The following MAGI3 variants were observed in gnomAD, a reference collection of about 807,000 sequenced individuals.
The protein encoded by MAGI3 is membrane-associated guanylate kinase, WW and PDZ domain-containing protein 3.
Under a neutral mutation model 121.8 loss-of-function variants are expected in MAGI3, and 43 were observed. That is an observed-to-expected ratio of 0.35 (90% CI 0.28 to 0.46). The LOEUF (loss-of-function observed/expected upper bound fraction) is 0.46, where lower values mean the gene tolerates loss of function less well. MAGI3 is among the 20% of genes least tolerant of loss of function. The pLI is 1.00. For synonymous variants in MAGI3, 553 were observed against 639.3 expected (o/e 0.86, Z 2.04); for missense variants, 1,547 against 1,797.3 (o/e 0.86, Z 2.52).
chr1:113,416,284 TATTAATTATGTA>T (rs74916748), intron 1 of MAGI3, among the ~76,000 whole-genome samples: 607 of 27,686 alleles, frequency 0.022, 48 homozygotes, highest in African/African-American at 0.07. Context: ...TAATTACACA[TATTAATTATGTA>T]ATTAATTATG....
At chr1:113,517,581 A>C (rs560951817) in intron 1 of MAGI3, among the ~76,000 whole-genome samples, 4 of 152,040 alleles carry the variant, frequency 2.6e-5, no homozygotes, top group African/African-American at 9.6e-5. Context: ...TTAAAATTTT[A>C]GTGTCCTTGA....
intron 1 of MAGI3, among the ~76,000 whole-genome samples, chr1:113,475,565 A>T (rs370894613): frequency 6.6e-6 from 1 of 152,144 alleles, no homozygotes; most frequent in Non-Finnish European, 1.5e-5. Flanking sequence ...ACCAGCCTTG[A>T]ATCCCAGGGA....
Position 113,550,969 on chromosome 1 carries a change from AAAG to A in MAGI3, c.433+1350_433+1352del, listed in dbSNP as rs1437206390. 1.6e-3 allele frequency among the ~76,000 whole-genome samples: 177 copies of A among 110,492 alleles called. 1 individual carries two copies. The highest frequency in any genetic ancestry group is 4.3e-3 in the East Asian group (12 of 2,764). The allele number at this position is 110,492 out of a possible 152,430, so 72.5% of individuals were successfully genotyped here. On this transcript the variant is annotated intron_variant, in intron 2 of 20. Transcript: ENST00000307546. The stretch of plus-strand genomic sequence containing the variant: ...TCCCTTCCCCAACAAGAAAAAAAAA[AAAG>A]AAGAAGAAGAAAAAGGAAAGGGACT...
chr1:113,475,323 A>C lies in MAGI3; in HGVS notation c.317-74192A>C, dbSNP rs930270916. Among the ~76,000 whole-genome samples the C allele has an allele frequency of 1.2e-4, 18 of 152,338 alleles. No homozygotes were observed. In the East Asian group the frequency reaches 3.1e-3, roughly 26 times the overall value. On this transcript the variant is annotated intron_variant, in intron 1 of 20. Coordinates refer to ENST00000307546, the MANE Select transcript of MAGI3 (RefSeq NM_001142782.2). ...GCATCCCTGTCTTGTGCCAGTTTTCAAAGGGAACACTTCCAGTTTTTCCCC... is the reference window on the plus strand; with the variant it reads ...GCATCCCTGTCTTGTGCCAGTTTTCCAAGGGAACACTTCCAGTTTTTCCCC...
At chr1:113,634,992 G>A (rs1651911406) in intron 9 of MAGI3, among the ~76,000 whole-genome samples, 1 of 152,066 alleles carries the variant, frequency 6.6e-6, no homozygotes, top group Admixed American at 6.5e-5. Context: ...TCTCTTTGAA[G>A]CAATTGTGAA....
At chr1:113,443,813 T>G (rs1570683982) in intron 1 of MAGI3, among the ~76,000 whole-genome samples, 1 of 152,242 alleles carries the variant, frequency 6.6e-6, no homozygotes, top group Non-Finnish European at 1.5e-5. Context: ...ACTATATGTT[T>G]TATATATTTA....
chr1:113,598,687 C>T (rs1023010370), intron 6 of MAGI3, among the ~76,000 whole-genome samples: 2 of 152,008 alleles, frequency 1.3e-5, no homozygotes, highest in African/African-American at 4.8e-5. Flanking sequence ...GAAACAATTA[C>T]TATTAGACCT....
intron 16 of MAGI3, among the ~76,000 whole-genome samples, chr1:113,666,988 G>GT (rs1441111948): frequency 6.6e-6 from 1 of 152,198 alleles, no homozygotes; most frequent in African/African-American, 2.4e-5. Flanking sequence ...GGTCTCAACA[G>GT]TGGGATTAAA....
At chr1:113,474,534 T>G (rs937771371) in intron 1 of MAGI3, among the ~76,000 whole-genome samples, 2 of 152,182 alleles carry the variant, frequency 1.3e-5, no homozygotes, top group African/African-American at 4.8e-5. Flanking sequence ...CTATCCCCAT[T>G]TCTTGTTTTT....
intron 1 of MAGI3, among the ~76,000 whole-genome samples, chr1:113,397,726 T>G (rs577170232): frequency 1.3e-5 from 2 of 152,296 alleles, no homozygotes; most frequent in Non-Finnish European, 2.9e-5. Flanking sequence ...TGTTATCTCC[T>G]CGAAATAATG....
chr1:113,661,817 A>G (rs574795032), intron 16 of MAGI3, among the ~76,000 whole-genome samples: 1 of 152,292 alleles, frequency 6.6e-6, no homozygotes, highest in South Asian at 2.1e-4. Context: ...ATACAGTCAC[A>G]TTTTATATGT....
At chr1:113,406,764 A>G (rs927438621) in intron 1 of MAGI3, among the ~76,000 whole-genome samples, 3 of 152,114 alleles carry the variant, frequency 2.0e-5, no homozygotes, top group African/African-American at 7.2e-5. Flanking sequence ...ATAAAAAAAA[A>G]AATTTCCTCT....
chr1:113,649,000 A>G (rs1220954713), intron 12 of MAGI3, among the ~76,000 whole-genome samples: 2 of 152,182 alleles, frequency 1.3e-5, no homozygotes, highest in African/African-American at 2.4e-5. Flanking sequence ...GAGTATATGG[A>G]AGTGAGAGTA....
At chr1:113,526,622 T>A (rs1280316067) in intron 1 of MAGI3, among the ~76,000 whole-genome samples, 1 of 152,172 alleles carries the variant, frequency 6.6e-6, no homozygotes, top group African/African-American at 2.4e-5. Context: ...CTTAGCTCAA[T>A]TGGAAGGTTA....
intron 1 of MAGI3, among the ~76,000 whole-genome samples, chr1:113,519,105 T>C (rs907794778): frequency 6.6e-6 from 1 of 152,100 alleles, no homozygotes; most frequent in Non-Finnish European, 1.5e-5. Flanking sequence ...CCTCAAGAAT[T>C]TGGGCTATTA....
At chr1:113,497,281 C>A (rs140424532) in intron 1 of MAGI3, among the ~76,000 whole-genome samples, 2,089 of 125,068 alleles carry the variant, frequency 0.017, 226 homozygotes, top group Non-Finnish European at 0.026. Flanking sequence ...CGGGTGATTT[C>A]TGCATTTCCA....
At chr1:113,673,577 G>T in intron 19 of MAGI3, 112 bp downstream of exon 19, 1 of 1,209,332 alleles carries the variant, frequency 8.3e-7, no homozygotes. Flanking sequence ...CTAAAAAGCA[G>T]GATTTGTCAT....
intron 1 of MAGI3, among the ~76,000 whole-genome samples, chr1:113,473,542 T>A (rs1048420300): frequency 7.9e-5 from 12 of 152,062 alleles, no homozygotes; most frequent in Non-Finnish European, 1.6e-4. Flanking sequence ...TGTGATAGTT[T>A]GCTGAGAATG....
At chr1:113,572,394 G>C (rs1010845092) in intron 2 of MAGI3, among the ~76,000 whole-genome samples, 3 of 152,192 alleles carry the variant, frequency 2.0e-5, no homozygotes, top group African/African-American at 7.2e-5. Context: ...GTATCAGGAT[G>C]ATGCTGGACT....
Sources: gnomAD v4.1 joint callset for allele counts (sites outside exome capture counted in the v4.1 genomes callset) on GRCh38, gnomAD v4.1.1 for gene constraint, MANE v1.5 for transcripts, NCBI Gene and HGNC (gene_info 2026-07-23, HGNC 2026-07-21) for gene names.